Variants in PARP8 observed in about 807,000 individuals in gnomAD.
PARP8 encodes the protein protein mono-ADP-ribosyltransferase PARP8.
Under a neutral mutation model 124.1 loss-of-function variants are expected in PARP8, and 51 were observed. The observed-to-expected ratio is 0.41, with a 90% CI of 0.33 to 0.52. PARP8 has a LOEUF of 0.52. Ranked by LOEUF, PARP8 falls within the 20% of genes least tolerant of loss-of-function variation. The pLI, the probability that PARP8 is intolerant of heterozygous loss-of-function variation, is 0.21. For missense variants in PARP8, 860 were observed against 1,018.9 expected, an observed-to-expected ratio of 0.84 and a Z score of 2.12; for synonymous variants, 391 against 361.5, an observed-to-expected ratio of 1.08 and a Z score of -0.93.
chr5:50,769,361 T>C (rs1238958027), intron 7 of PARP8, among the ~76,000 whole-genome samples: 1 of 151,794 alleles, frequency 6.6e-6, no homozygotes, highest in African/African-American at 2.4e-5. Flanking sequence ...AAAAGTTGTT[T>C]CCCTCCCATA....
At position 50,744,673 on chromosome 5, in the gene PARP8, A is replaced by G. The variant is rs1046739875; in HGVS notation, c.147-5478A>G. The G allele has an allele frequency of 1.6e-5, 11 of 689,774 alleles. No individual in the cohort carries two copies. In the Admixed American group the frequency reaches 1.9e-4, roughly 12 times the overall value. The allele number at this position is 689,774 out of a possible 1,614,324, so 42.7% of individuals were successfully genotyped here. A position where few individuals can be genotyped will look rare whatever the true frequency, so the allele number is the denominator to read the frequency against. ...CCTGAGTTTCTGGCAAAGCACCTCA[A>G]TGTAATTAATTGTAAGTCAGCATAT... On this transcript the variant is annotated intron_variant, in intron 2 of 25. Transcript: ENST00000281631.
rs183228673 is a variant in PARP8, at chr5:50,835,024, A to G, written c.2462+9A>G. On this transcript the variant is annotated intron_variant, in intron 25 of 25. Coordinates refer to ENST00000281631, the MANE Select transcript of PARP8 (RefSeq NM_024615.4). The stretch of plus-strand genomic sequence containing the variant: ...ACACGATTCTTTTTCGTGTAAGTGG[A>G]AATGCTCAAATTTGTATATTACTGT... The G allele has an allele frequency of 1.4e-5, 23 of 1,608,190 alleles. No individual in the cohort carries two copies. In the Admixed American group the frequency reaches 2.8e-4, roughly 20 times the overall value.
intron 2 of PARP8, among the ~76,000 whole-genome samples, chr5:50,702,793 A>G (rs1339617323): frequency 1.3e-5 from 2 of 152,180 alleles, no homozygotes; most frequent in African/African-American, 4.8e-5. Context: ...AAAAACAACC[A>G]TTAGGTAAAC....
intron 2 of PARP8, among the ~76,000 whole-genome samples, chr5:50,729,675 C>T (rs901962543): frequency 1.3e-5 from 2 of 152,140 alleles, no homozygotes; most frequent in African/African-American, 4.8e-5. Flanking sequence ...AATATCTCCT[C>T]AGGCATCTTC....
At chr5:50,687,169 T>C (rs959124599) in intron 2 of PARP8, among the ~76,000 whole-genome samples, 2 of 152,202 alleles carry the variant, frequency 1.3e-5, no homozygotes, top group Admixed American at 6.5e-5. Context: ...TCTTGAATGC[T>C]TTGCTGCTTA....
intron 14 of PARP8, among the ~76,000 whole-genome samples, chr5:50,798,569 C>T (rs566486140): frequency 1.3e-5 from 2 of 151,806 alleles, no homozygotes; most frequent in East Asian, 1.9e-4. Context: ...TACAGGCACC[C>T]GCCACCACGC....
Position 50,706,340 on chromosome 5 carries a change from A to G in PARP8, c.146+38215A>G, listed in dbSNP as rs537136575. Among the ~76,000 whole-genome samples, 16 of 152,002 alleles carry G rather than the reference A, an allele frequency of 1.1e-4. No individual in the cohort carries two copies. In the East Asian group the frequency reaches 2.5e-3, roughly 24 times the overall value. On this transcript the variant is annotated intron_variant, in intron 2 of 25. Transcript: ENST00000281631. Reference sequence around the variant, plus strand: ...TCTGAGTAAATTTTAGGAAACCTTTATGTTTTTCAGATGGCTGGTTTTTGG... The same window carrying G: ...TCTGAGTAAATTTTAGGAAACCTTTGTGTTTTTCAGATGGCTGGTTTTTGG...
chr5:50,840,491 A>G (rs937049899), intron 25 of PARP8, among the ~76,000 whole-genome samples: 2 of 151,884 alleles, frequency 1.3e-5, no homozygotes, highest in African/African-American at 4.8e-5. Flanking sequence ...GAGAGCATAA[A>G]AAATAGCAGT....
At chr5:50,732,776 G>A (rs145568609) in intron 2 of PARP8, among the ~76,000 whole-genome samples, 6,535 of 151,496 alleles carry the variant, frequency 0.043, 447 homozygotes, top group African/African-American at 0.15. Context: ...CCACCACCAC[G>A]CTCGGCTAAT....
intron 14 of PARP8, among the ~76,000 whole-genome samples, chr5:50,811,439 T>C (rs530558442): frequency 6.6e-6 from 1 of 152,204 alleles, no homozygotes; most frequent in East Asian, 1.9e-4. Context: ...GACACATGAA[T>C]ACCTAGGATT....
At chr5:50,799,281 T>C (rs1742922938) in intron 14 of PARP8, among the ~76,000 whole-genome samples, 1 of 152,240 alleles carries the variant, frequency 6.6e-6, no homozygotes. Context: ...TTCTTTTGCA[T>C]GTAGATACCC....
intron 9 of PARP8, among the ~76,000 whole-genome samples, chr5:50,783,171 G>A (rs1411507517): frequency 1.3e-5 from 2 of 151,880 alleles, no homozygotes; most frequent in Non-Finnish European, 2.9e-5. Flanking sequence ...GGGAATAGGA[G>A]GGAAAAGAGA....
At chr5:50,800,234 G>A (rs1207991093) in intron 14 of PARP8, among the ~76,000 whole-genome samples, 2 of 151,998 alleles carry the variant, frequency 1.3e-5, no homozygotes, top group African/African-American at 4.8e-5. Context: ...TTTTCAGAAC[G>A]TTCTTTGCTA....
rs528483557 is a variant in PARP8 at position 50,751,800 on chromosome 5, T to C, written c.184+1612T>C. Reference sequence around the variant, plus strand: ...CTGATTCCCGTTGCCTCTGGGGAAGTAGTGTTAGTATTTTTATGGAGCTTT... The same window carrying C: ...CTGATTCCCGTTGCCTCTGGGGAAGCAGTGTTAGTATTTTTATGGAGCTTT... On this transcript the variant is annotated intron_variant, in intron 3 of 25. Transcript: ENST00000281631. 4.6e-5 allele frequency among the ~76,000 whole-genome samples: 7 copies of C among 152,210 alleles called. No homozygotes were observed. In the East Asian group the frequency reaches 1.4e-3, roughly 29 times the overall value.
intron 2 of PARP8, among the ~76,000 whole-genome samples, chr5:50,684,638 T>C (rs574142580): frequency 1.8e-4 from 28 of 152,288 alleles, no homozygotes; most frequent in African/African-American, 6.0e-4. Context: ...CTTATGACAA[T>C]ATTTAGGGCT....
In PARP8 at chr5:50,711,743, C is replaced by T. The variant is rs145902002; in HGVS notation, c.147-38408C>T. ...CATTTCTGCACTTATATGAGAAAAT[C>T]AAGGTCCTTATGTTTAAAGTCAATT... On this transcript the variant is annotated intron_variant, in intron 2 of 25. Coordinates refer to ENST00000281631, the MANE Select transcript of PARP8 (RefSeq NM_024615.4). Among the ~76,000 whole-genome samples, 687 of 152,234 alleles carry T rather than the reference C, an allele frequency of 4.5e-3. 4 individuals carry two copies. Among genetic ancestry groups the T allele is most frequent in the South Asian group, 0.022 (105 of 4,828 alleles).
At chr5:50,833,542 T>A (rs544675542) in intron 23 of PARP8, 2 of 329,080 alleles carry the variant, frequency 6.1e-6, no homozygotes, top group Non-Finnish European at 1.2e-5. Flanking sequence ...ATTTTCTACA[T>A]GAAATGTTTC....
chr5:50,839,624 C>A (rs1244927554), intron 25 of PARP8, among the ~76,000 whole-genome samples: 2 of 151,400 alleles, frequency 1.3e-5, no homozygotes, highest in Non-Finnish European at 2.9e-5. Flanking sequence ...GAAAAATATG[C>A]ATTTTATTTA....
intron 2 of PARP8, among the ~76,000 whole-genome samples, chr5:50,721,861 A>G (rs551424543): frequency 2.8e-4 from 42 of 152,196 alleles, no homozygotes; most frequent in Non-Finnish European, 4.9e-4. Flanking sequence ...TGCTAAAGCA[A>G]TTCTGATTTT....
Sources: allele counts gnomAD v4.1 joint callset (sites outside exome capture counted in the v4.1 genomes callset), GRCh38; gene constraint gnomAD v4.1.1; transcripts MANE v1.5; gene names NCBI Gene and HGNC (gene_info 2026-07-23, HGNC 2026-07-21).